PITRM1: variants seen among roughly 807,000 people sequenced by gnomAD.
PITRM1 encodes presequence protease, mitochondrial.
A neutral mutation model predicts 129.9 loss-of-function variants in PITRM1; 100 were observed. The ratio of observed to expected loss-of-function variants is 0.77; its 90% CI spans 0.65 to 0.91. The LOEUF (loss-of-function observed/expected upper bound fraction) is 0.91, where lower values mean the gene tolerates loss of function less well. Among genes scored for constraint, PITRM1 ranks in the 40% least tolerant of loss-of-function variants. PITRM1 has a pLI of 0.00. For missense variants in PITRM1, 1,471 were observed against 1,318.3 expected (o/e 1.12, Z -1.79); for synonymous variants, 591 against 508.8 (o/e 1.16, Z -2.17).
intron 14 of PITRM1, among the ~76,000 whole-genome samples, chr10:3,152,813 C>T (rs1168157757): frequency 2.6e-5 from 4 of 152,248 alleles, no homozygotes; most frequent in Non-Finnish European, 5.9e-5. Context: ...CGCTAGAGCA[C>T]GCCACAGCTA....
At chr10:3,154,293 G>A (rs564725962) in intron 14 of PITRM1, among the ~76,000 whole-genome samples, 3 of 152,288 alleles carry the variant, frequency 2.0e-5, no homozygotes, top group South Asian at 2.1e-4. Flanking sequence ...TTGTGCGGAC[G>A]CCTGTTTTCA....
Position 3,144,211 on chromosome 10 carries a change from A to G in PITRM1, c.2532+81T>C, listed in dbSNP as rs549706507. On this transcript the variant is annotated intron_variant, in intron 22 of 26. Transcript: ENST00000224949. ...AGCCCCACAGACAGGCGGACGGAGGAACATTCGAACATCAGTGGCAGACAC... is the reference window on the plus strand; with the variant it reads ...AGCCCCACAGACAGGCGGACGGAGGGACATTCGAACATCAGTGGCAGACAC... 1.1e-4 allele frequency: 88 copies of G among 778,628 alleles called. No homozygotes were observed. The South Asian group carries it at 1.2e-3, about 10-fold the overall frequency. 48.2% of individuals were successfully genotyped at this position (778,628 alleles called of 1,614,324 possible). A position where few individuals can be genotyped will look rare whatever the true frequency, so the allele number is the denominator to read the frequency against.
intron 20 of PITRM1, chr10:3,146,909 C>G: frequency 3.2e-6 from 1 of 313,796 alleles, no homozygotes; most frequent in Non-Finnish European, 5.9e-6. Context: ...AGCAATATAA[C>G]TACTTGCCCT....
intron 14 of PITRM1, among the ~76,000 whole-genome samples, chr10:3,151,749 G>A (rs1305937184): frequency 2.6e-5 from 4 of 151,964 alleles, no homozygotes; most frequent in Non-Finnish European, 5.9e-5. Flanking sequence ...TCTTCTTTTT[G>A]TTTTGAGACA....
intron 20 of PITRM1, chr10:3,145,961 C>G (rs1840820187): frequency 4.2e-6 from 2 of 478,214 alleles, no homozygotes; most frequent in African/African-American, 2.0e-5. Flanking sequence ...GCCTGTGACT[C>G]TAAACTCTAG....
chr10:3,170,001 G>T, intron 2 of PITRM1, 103 bp downstream of exon 2: 1 of 769,028 alleles, frequency 1.3e-6, no homozygotes, highest in Non-Finnish European at 2.1e-6. Context: ...GGGACACAAG[G>T]ACAAAAACGC....
chr10:3,142,731 C>A (rs1840381780), intron 23 of PITRM1, among the ~76,000 whole-genome samples: 2 of 152,228 alleles, frequency 1.3e-5, no homozygotes, highest in African/African-American at 4.8e-5. Context: ...AACCCAGGGC[C>A]TCCTTCCCTG....
chr10:3,138,982 A>T lies in PITRM1; in HGVS notation c.2839T>A (p.Phe947Ile). ...GCTTCGTCGATGTCTTGCTGTGTGA[A>T]TTTTCCAGACTTAGCCCAGTCGACA... ...KAVDWAKSGK[F>I]TQQDIDEAKL... is the part of the protein sequence containing the mutation. The change falls in exon 25 of 27, where the codon TTC becomes ATC. Residue 947 changes from phenylalanine (F) to isoleucine (I), a missense_variant. Phe to Ile is a conservative substitution (Grantham distance 21, BLOSUM62 0). Transcript: ENST00000224949. 2.5e-6 allele frequency: 4 copies of T among 1,613,874 alleles called. No homozygotes were observed. Among genetic ancestry groups the T allele is most frequent in the Non-Finnish European group, 3.4e-6 (4 of 1,179,812 alleles).
chr10:3,154,457 A>G (rs1171649225), intron 14 of PITRM1, among the ~76,000 whole-genome samples: 1 of 151,846 alleles, frequency 6.6e-6, no homozygotes, highest in African/African-American at 2.4e-5. Context: ...GATTGATGGC[A>G]TTTGGTGCTG....
At chr10:3,143,106 G>A in intron 23 of PITRM1, 2 of 413,376 alleles carry the variant, frequency 4.8e-6, no homozygotes, top group East Asian at 4.7e-5. Context: ...CATGGGGCAT[G>A]TTGAAAGCAG....
chr10:3,158,061 C>T lies in PITRM1; in HGVS notation c.1229G>A (p.Arg410Lys). ...TCACTCAACTACTTCATCAATCGTT[C>T]TGTCTATGAGGCTTCTGACGGTCTC... ...DIETVRSLID[R>K]TIDEVVEKGF... Residue 410 changes from arginine to lysine, a missense_variant, in exon 11 of 27, where the codon AGA becomes AAA. By Grantham distance (26) the Arg-to-Lys change is conservative. Coordinates refer to ENST00000224949, the MANE Select transcript of PITRM1 (RefSeq NM_014889.4). 1 of 1,606,074 alleles carries T rather than the reference C, an allele frequency of 6.2e-7. No individual in the cohort carries two copies.
Position 3,137,776 on chromosome 10 carries a change from G to C in PITRM1, c.*255C>G, listed in dbSNP as rs9129. 0.13 allele frequency: 62,844 copies of C among 494,626 alleles called. 4,286 individuals carry two copies. Among genetic ancestry groups the C allele is most frequent in the Non-Finnish European group, 0.14 (37,459 of 270,290 alleles). The allele number at this position is 494,626 out of a possible 1,614,324, so 30.6% of individuals were successfully genotyped here. A position where few individuals can be genotyped will look rare whatever the true frequency, so the allele number is the denominator to read the frequency against. On this transcript the variant is annotated 3_prime_UTR_variant, in exon 27 of 27. Coordinates refer to ENST00000224949, the MANE Select transcript of PITRM1 (RefSeq NM_014889.4). The stretch of plus-strand genomic sequence containing the variant: ...TTTAGATTCTTAAATATTCTAGAAT[G>C]AGGTAAAACGAGCCTGCCAGTACAA...
rs747908138 is a variant in PITRM1, at chr10:3,138,625, C to T, written c.2917+279G>A. 1.3e-4 allele frequency: 79 copies of T among 608,124 alleles called. 2 individuals carry two copies. The highest frequency in any genetic ancestry group is 2.2e-4 in the Non-Finnish European group (76 of 341,284). 37.7% of individuals were successfully genotyped at this position (608,124 alleles called of 1,614,324 possible). A position where few individuals can be genotyped will look rare whatever the true frequency, so the allele number is the denominator to read the frequency against. ...CTCCAGAGAGTAACGTGGCCATGCC[C>T]GGGCCGTGCCCACGTCCTCCTTCCA... On this transcript the variant is annotated intron_variant, in intron 25 of 26. Transcript: ENST00000224949.
chr10:3,165,585 G>T (rs758823303), intron 4 of PITRM1, 58 bp from the exon 5 acceptor site: 3 of 980,050 alleles, frequency 3.1e-6, no homozygotes, highest in Admixed American at 2.0e-5. Context: ...TAAAATTATT[G>T]ACTCTCAAGA....
chr10:3,159,125 C>A, intron 9 of PITRM1, 83 bp from the exon 10 acceptor site: 1 of 1,141,622 alleles, frequency 8.8e-7, no homozygotes, highest in Non-Finnish European at 1.2e-6. Flanking sequence ...TTATTTAAAA[C>A]CACTACACAT....
chr10:3,159,204 C>T (rs991855319), intron 9 of PITRM1, among the ~76,000 whole-genome samples, 162 bp from the exon 10 acceptor site: 4 of 152,094 alleles, frequency 2.6e-5, no homozygotes, highest in East Asian at 3.8e-4. Flanking sequence ...CCTTAAATAC[C>T]GGGATTTTTG....
chr10:3,147,538 C>T (rs1564398539), intron 19 of PITRM1, 34 bp downstream of exon 19: 1 of 1,605,450 alleles, frequency 6.2e-7, no homozygotes, highest in Non-Finnish European at 8.5e-7. Flanking sequence ...TGTGGCTAAA[C>T]CGGAGTAATA....
intron 12 of PITRM1, 42 bp from the exon 13 acceptor site, chr10:3,157,106 C>T (rs1480219950): frequency 2.5e-6 from 4 of 1,580,686 alleles, no homozygotes; most frequent in Admixed American, 1.9e-5. Context: ...GCTGGTACCA[C>T]AGTACAACCT....
chr10:3,147,450 A>G (rs1841008393), intron 19 of PITRM1, 122 bp downstream of exon 19: 6 of 1,189,404 alleles, frequency 5.0e-6, no homozygotes, highest in South Asian at 3.9e-5. Flanking sequence ...ATTCTTCCCC[A>G]TATTTAGTCA....
Sources: gnomAD v4.1 joint callset for allele counts (sites outside exome capture counted in the v4.1 genomes callset) on GRCh38, gnomAD v4.1.1 for gene constraint, MANE v1.5 for transcripts, NCBI Gene and HGNC (gene_info 2026-07-23, HGNC 2026-07-21) for gene names.